Variants in ARHGAP17 observed in about 807,000 individuals in gnomAD.
ARHGAP17 encodes Rho GTPase activating protein 17.
ARHGAP17 carries 57 observed loss-of-function variants against 99.5 expected under a neutral mutation model. The ratio of observed to expected loss-of-function variants is 0.57; its 90% CI spans 0.46 to 0.71. ARHGAP17 has a LOEUF of 0.71. ARHGAP17 is among the 30% of genes least tolerant of loss of function. The pLI, the probability that ARHGAP17 is intolerant of heterozygous loss-of-function variation, is 0.00. For synonymous variants in ARHGAP17, 417 were observed against 429.6 expected, an observed-to-expected ratio of 0.97 and a Z score of 0.36; for missense variants, 1,000 against 1,122.4, an observed-to-expected ratio of 0.89 and a Z score of 1.56.
At chr16:24,947,128 A>G (rs2051495973) in intron 14 of ARHGAP17, among the ~76,000 whole-genome samples, 1 of 152,212 alleles carries the variant, frequency 6.6e-6, no homozygotes, top group Admixed American at 6.5e-5. Flanking sequence ...TCTCAGGCCC[A>G]GCCAGACACC....
At chr16:24,941,792 G>A in intron 16 of ARHGAP17, 195 bp downstream of exon 16, 1 of 677,640 alleles carries the variant, frequency 1.5e-6, no homozygotes, top group Non-Finnish European at 2.5e-6. Flanking sequence ...CGTTAACTGA[G>A]AAGCTACACA....
intron 14 of ARHGAP17, among the ~76,000 whole-genome samples, chr16:24,945,214 C>T (rs544679957): frequency 4.0e-5 from 6 of 151,402 alleles, no homozygotes; most frequent in African/African-American, 7.3e-5. Context: ...TCCCAGCTAC[C>T]GGAGAGGCTG....
intron 7 of ARHGAP17, among the ~76,000 whole-genome samples, 178 bp downstream of exon 7, chr16:24,964,019 T>C (rs1400084669): frequency 6.6e-6 from 1 of 152,212 alleles, no homozygotes; most frequent in African/African-American, 2.4e-5. Context: ...AAATTTAAAA[T>C]GTTTTATTCT....
At chr16:25,011,581 T>C (rs1241106636) in intron 1 of ARHGAP17, among the ~76,000 whole-genome samples, 1 of 151,960 alleles carries the variant, frequency 6.6e-6, no homozygotes, top group Non-Finnish European at 1.5e-5. Context: ...GGTACAGGCC[T>C]GTAGTCCCAG....
At chr16:24,928,597 G>C (rs898954700) in intron 19 of ARHGAP17, among the ~76,000 whole-genome samples, 2 of 152,078 alleles carry the variant, frequency 1.3e-5, no homozygotes, top group African/African-American at 2.4e-5. Flanking sequence ...ATCGCACCCG[G>C]GCCTCCTCCC....
At chr16:24,977,669 T>C (rs770922356) in intron 2 of ARHGAP17, among the ~76,000 whole-genome samples, 1 of 152,132 alleles carries the variant, frequency 6.6e-6, no homozygotes, top group Admixed American at 6.5e-5. Flanking sequence ...AACTGCAAGA[T>C]CTGTGTTTTC....
chr16:24,998,354 G>C (rs1006881356), intron 1 of ARHGAP17, among the ~76,000 whole-genome samples: 2 of 152,010 alleles, frequency 1.3e-5, no homozygotes, highest in African/African-American at 4.8e-5. Flanking sequence ...GCACAGAGGG[G>C]AGGCTGGCAA....
intron 1 of ARHGAP17, among the ~76,000 whole-genome samples, chr16:24,985,629 T>C (rs918834180): frequency 7.2e-5 from 11 of 152,182 alleles, no homozygotes; most frequent in African/African-American, 2.7e-4. Flanking sequence ...TTCCACTGAT[T>C]AGAAATTTTA....
At chr16:24,995,582 T>C (rs1296836423) in intron 1 of ARHGAP17, among the ~76,000 whole-genome samples, 1 of 152,250 alleles carries the variant, frequency 6.6e-6, no homozygotes, top group East Asian at 1.9e-4. Context: ...AGTGACTAAA[T>C]GAAAGTTTTC....
In ARHGAP17 at chr16:25,015,139, T is replaced by TGGG; in HGVS notation, c.53+69_53+70insCCC. 6.7e-6 allele frequency: 8 copies of TGGG among 1,195,748 alleles called. No individual in the cohort carries two copies. The African/African-American group carries it at 8.6e-5, about 13-fold the overall frequency. The allele number at this position is 1,195,748 out of a possible 1,614,324, so 74.1% of individuals were successfully genotyped here. A position where few individuals can be genotyped will look rare whatever the true frequency, so the allele number is the denominator to read the frequency against. ...GAGCCGCCGGACCGCGGAGGAGCCG[T>TGGG]CCCGCCCCCGCGCCCTCCGCCCTCC... On this transcript the variant is annotated intron_variant, in intron 1 of 19. Coordinates refer to ENST00000289968, the MANE Select transcript of ARHGAP17 (RefSeq NM_001006634.3).
At chr16:24,971,145 C>T (rs1396145563) in intron 3 of ARHGAP17, among the ~76,000 whole-genome samples, 2 of 151,914 alleles carry the variant, frequency 1.3e-5, no homozygotes, top group South Asian at 2.1e-4. Context: ...GTTGGGATTA[C>T]AGGCATGAAC....
chr16:24,976,711 A>G (rs533310850), intron 3 of ARHGAP17, among the ~76,000 whole-genome samples: 1 of 152,318 alleles, frequency 6.6e-6, no homozygotes, highest in African/African-American at 2.4e-5. Flanking sequence ...GAAGCTGCCA[A>G]TAGCCAACTT....
chr16:24,959,951 A>G lies in ARHGAP17; in HGVS notation c.602T>C (p.Phe201Ser). ...GCCATACTCCCCTTCTTTGGCCATA[A>G]AGTTGTACATGTCTGCTGCAAGTTG... ...KDQLAADMYN[F>S]MAKEGEYGKF... is the part of the protein sequence containing the mutation. Residue 201 changes from phenylalanine (F) to serine (S), a missense_variant, in exon 8 of 20, where the codon TTT becomes TCT. By Grantham distance (155) the Phe-to-Ser change is radical. Around this residue, in one of 2 missense-constraint regions of ARHGAP17, gnomAD observed 472 missense variants for 611.1 expected, o/e 0.77. Transcript: ENST00000289968. 2 of 1,614,072 alleles carry G rather than the reference A, an allele frequency of 1.2e-6. No individual in the cohort carries two copies. Among genetic ancestry groups the G allele is most frequent in the Non-Finnish European group, 1.7e-6 (2 of 1,179,914 alleles).
chr16:24,942,229 C>A, intron 15 of ARHGAP17, 86 bp from the exon 16 acceptor site: 1 of 1,352,728 alleles, frequency 7.4e-7, no homozygotes, highest in Non-Finnish European at 1.0e-6. Context: ...GGAACGGGAA[C>A]CTCGTTCTTC....
At chr16:24,989,698 T>C (rs917436310) in intron 1 of ARHGAP17, among the ~76,000 whole-genome samples, 4 of 152,042 alleles carry the variant, frequency 2.6e-5, no homozygotes, top group African/African-American at 9.7e-5. Flanking sequence ...ACTCTGTAAA[T>C]TTACTACAAA....
chr16:25,015,095 G>C, intron 1 of ARHGAP17, 114 bp downstream of exon 1: 2 of 1,052,716 alleles, frequency 1.9e-6, no homozygotes, highest in Non-Finnish European at 2.4e-6. Context: ...GTCTCGGGCA[G>C]GGGCTGCGGC....
At chr16:24,984,051 G>A (rs959049785) in intron 1 of ARHGAP17, among the ~76,000 whole-genome samples, 1 of 152,174 alleles carries the variant, frequency 6.6e-6, no homozygotes, top group African/African-American at 2.4e-5. Context: ...TCAATCTGGA[G>A]TAGTTCACTG....
At chr16:24,944,013 C>T (rs1031517297) in intron 14 of ARHGAP17, 151 bp from the exon 15 acceptor site, 28 of 706,670 alleles carry the variant, frequency 4.0e-5, no homozygotes, top group Non-Finnish European at 6.0e-5. Flanking sequence ...TGGCTCACAC[C>T]TGTAACCCCA....
chr16:24,983,918 C>A (rs921113862), intron 1 of ARHGAP17, among the ~76,000 whole-genome samples: 2 of 152,190 alleles, frequency 1.3e-5, no homozygotes. Flanking sequence ...AGCAGCAGTG[C>A]TGCCCAGGCC....
Sources: gnomAD v4.1 joint callset for allele counts (sites outside exome capture counted in the v4.1 genomes callset) on GRCh38, gnomAD v4.1.1 for gene constraint, gnomAD v4.1.1 regional missense constraint, MANE v1.5 for transcripts, NCBI Gene and HGNC (gene_info 2026-07-23, HGNC 2026-07-21) for gene names.